The following MAGI1 variants were observed in gnomAD, a reference collection of about 807,000 sequenced individuals.
MAGI1 encodes the protein membrane associated guanylate kinase, WW and PDZ domain containing 1.
In MAGI1, 58 loss-of-function variants were observed where a neutral mutation model predicts 139.9. The observed-to-expected ratio is 0.41, with a 90% CI of 0.34 to 0.52. The LOEUF is 0.52. Ranked by LOEUF, MAGI1 falls within the 20% of genes least tolerant of loss-of-function variation. The probability of loss-of-function intolerance (pLI) is 0.12; values close to 1 mark genes in which losing one functional copy is unlikely to be tolerated. For missense variants in MAGI1, 1,874 were observed against 1,901.6 expected (o/e 0.99, Z 0.27); for synonymous variants, 812 against 737.9 (o/e 1.10, Z -1.63).
chr3:65,860,034 TACAGGCAC>T (rs1328549588), intron 1 of MAGI1, among the ~76,000 whole-genome samples: 9 of 151,990 alleles, frequency 5.9e-5, no homozygotes, highest in Non-Finnish European at 1.3e-4. Context: ...TAGCTGGGAT[TACAGGCAC>T]GCACCACCAT....
chr3:65,498,120 C>CA (rs1952580140), intron 2 of MAGI1, among the ~76,000 whole-genome samples: 1 of 152,084 alleles, frequency 6.6e-6, no homozygotes, highest in Non-Finnish European at 1.5e-5. Context: ...TGGCTGGACA[C>CA]ACGCCTGGCA....
intron 1 of MAGI1, among the ~76,000 whole-genome samples, chr3:65,868,442 T>A (rs1189005248): frequency 1.3e-5 from 2 of 152,204 alleles, no homozygotes; most frequent in African/African-American, 4.8e-5. Flanking sequence ...AAATGCTGTT[T>A]GACTCTGAAC....
At chr3:65,928,329 G>A (rs2062625616) in intron 1 of MAGI1, among the ~76,000 whole-genome samples, 1 of 152,166 alleles carries the variant, frequency 6.6e-6, no homozygotes. Flanking sequence ...CCCAGAGCTG[G>A]TTCTTAACCA....
intron 7 of MAGI1, among the ~76,000 whole-genome samples, chr3:65,444,177 C>A (rs1419818550): frequency 6.6e-6 from 1 of 152,170 alleles, no homozygotes; most frequent in Non-Finnish European, 1.5e-5. Context: ...AAGTCTTTGA[C>A]TTGTAGGAGA....
At chr3:65,931,505 A>G (rs1326478080) in intron 1 of MAGI1, among the ~76,000 whole-genome samples, 1 of 152,210 alleles carries the variant, frequency 6.6e-6, no homozygotes, top group East Asian at 1.9e-4. Flanking sequence ...GTGTCTATAA[A>G]AAATACAAAA....
chr3:65,529,046 A>AAAAC (rs1266755325), intron 2 of MAGI1, among the ~76,000 whole-genome samples: 5 of 152,134 alleles, frequency 3.3e-5, no homozygotes, highest in Non-Finnish European at 5.9e-5. Context: ...ACCCTGTTTC[A>AAAAC]AAACCAACCA....
At chr3:65,498,872 T>C in intron 2 of MAGI1, 1 of 296,476 alleles carries the variant, frequency 3.4e-6, no homozygotes, top group Non-Finnish European at 5.0e-6. Flanking sequence ...TAAGTTTGAA[T>C]AGCCACATGT....
At chr3:65,991,086 G>A (rs1476287743) in intron 1 of MAGI1, among the ~76,000 whole-genome samples, 4 of 151,886 alleles carry the variant, frequency 2.6e-5, no homozygotes, top group Admixed American at 2.6e-4. Flanking sequence ...GTCAGGAGTT[G>A]GAGACCAGCC....
chr3:65,920,978 G>A (rs138949578), intron 1 of MAGI1, among the ~76,000 whole-genome samples: 7 of 151,822 alleles, frequency 4.6e-5, no homozygotes, highest in Non-Finnish European at 8.8e-5. Context: ...GCAGAGAGCC[G>A]AGATCACGCC....
At position 65,373,271 on chromosome 3, in the gene MAGI1, G is replaced by A. The variant is rs114296683; in HGVS notation, c.3196+2474C>T. On this transcript the variant is annotated intron_variant, in intron 18 of 22. Coordinates refer to ENST00000402939, the MANE Select transcript of MAGI1 (RefSeq NM_001033057.2). ...TTTATCTTGGAAAAGGGAGGCCCGA[G>A]GAAAGGAACAGAGATGGGGAATGGC... Among the ~76,000 whole-genome samples, 90 of 152,254 alleles carry A rather than the reference G, an allele frequency of 5.9e-4. 1 individual carries two copies. The highest frequency in any genetic ancestry group is 2.1e-3 in the African/African-American group (86 of 41,546).
intron 1 of MAGI1, among the ~76,000 whole-genome samples, chr3:65,808,054 T>C (rs1479808072): frequency 6.6e-6 from 1 of 151,844 alleles, no homozygotes; most frequent in Admixed American, 6.6e-5. Flanking sequence ...GGAGTGATCT[T>C]GGCTCACTGC....
intron 1 of MAGI1, among the ~76,000 whole-genome samples, chr3:65,840,927 G>C (rs181803421): frequency 2.0e-5 from 3 of 152,122 alleles, no homozygotes; most frequent in East Asian, 1.9e-4. Flanking sequence ...CTAGAGATGG[G>C]GGAGAGCCAA....
intron 2 of MAGI1, among the ~76,000 whole-genome samples, chr3:65,581,893 T>A (rs1164616657): frequency 1.3e-5 from 2 of 152,132 alleles, no homozygotes; most frequent in Non-Finnish European, 2.9e-5. Flanking sequence ...TTCCTTCCAA[T>A]CCTGAATATA....
intron 1 of MAGI1, among the ~76,000 whole-genome samples, chr3:65,742,812 T>C (rs968075268): frequency 6.6e-6 from 1 of 152,220 alleles, no homozygotes; most frequent in African/African-American, 2.4e-5. Flanking sequence ...CTACAGCATT[T>C]GTCATACAGT....
chr3:65,729,302 A>G (rs2033956609), intron 1 of MAGI1, among the ~76,000 whole-genome samples: 1 of 152,198 alleles, frequency 6.6e-6, no homozygotes, highest in Non-Finnish European at 1.5e-5. Context: ...TGGTAAACAA[A>G]CTATATTCAT....
At chr3:65,678,247 C>A (rs1360592429) in intron 1 of MAGI1, among the ~76,000 whole-genome samples, 1 of 151,842 alleles carries the variant, frequency 6.6e-6, no homozygotes, top group African/African-American at 2.4e-5. Flanking sequence ...GTACAGCAAA[C>A]CACCATGGCA....
intron 1 of MAGI1, among the ~76,000 whole-genome samples, chr3:65,937,335 G>A (rs1419089262): frequency 6.6e-6 from 1 of 152,044 alleles, no homozygotes; most frequent in Non-Finnish European, 1.5e-5. Context: ...GATTTCCAAC[G>A]CTTGCTAGCT....
chr3:65,506,792 C>A (rs2077305860), intron 2 of MAGI1, among the ~76,000 whole-genome samples: 1 of 151,874 alleles, frequency 6.6e-6, no homozygotes, highest in Admixed American at 6.6e-5. Flanking sequence ...ATTTATTGAG[C>A]AAATATTATA....
intron 2 of MAGI1, among the ~76,000 whole-genome samples, chr3:65,562,401 C>T (rs1477118894): frequency 6.6e-6 from 1 of 152,118 alleles, no homozygotes; most frequent in Non-Finnish European, 1.5e-5. Context: ...CACTATGCAT[C>T]TTAGAATTGA....
Sources: gnomAD v4.1 joint callset for allele counts (sites outside exome capture counted in the v4.1 genomes callset) on GRCh38, gnomAD v4.1.1 for gene constraint, MANE v1.5 for transcripts, NCBI Gene and HGNC (gene_info 2026-07-23, HGNC 2026-07-21) for gene names.